VWA3B: variants seen among roughly 807,000 people sequenced by gnomAD.
VWA3B encodes von Willebrand factor A domain containing 3B, also known as von Willebrand factor A domain-containing protein 3B.
A neutral mutation model predicts 158.3 loss-of-function variants in VWA3B; 138 were observed. That is an observed-to-expected ratio of 0.87 (90% CI 0.76 to 1.00). The LOEUF (loss-of-function observed/expected upper bound fraction) is 1.00. Among genes scored for constraint, VWA3B ranks in the 50% least tolerant of loss-of-function variants. The probability of loss-of-function intolerance (pLI) is 0.00; values close to 1 mark genes in which losing one functional copy is unlikely to be tolerated. For missense variants in VWA3B, 1,555 were observed against 1,565.1 expected (o/e 0.99, Z 0.11); for synonymous variants, 596 against 587.3 (o/e 1.01, Z -0.21).
At chr2:98,130,519 G>A (rs1675776032) in intron 6 of VWA3B, among the ~76,000 whole-genome samples, 1 of 152,182 alleles carries the variant, frequency 6.6e-6, no homozygotes, top group Non-Finnish European at 1.5e-5. Flanking sequence ...GGCTTTCCTA[G>A]GCAGAGGTCC....
chr2:98,303,672 G>C (rs1474623744), intron 25 of VWA3B, 30 bp from the exon 26 acceptor site: 1 of 1,597,266 alleles, frequency 6.3e-7, no homozygotes, highest in African/African-American at 1.3e-5. Context: ...TCTGATTTAA[G>C]TTGAGTGAAC....
intron 17 of VWA3B, among the ~76,000 whole-genome samples, chr2:98,235,311 A>T (rs1685605471): frequency 1.3e-5 from 2 of 152,120 alleles, no homozygotes; most frequent in African/African-American, 4.8e-5. Context: ...TATACACACA[A>T]TCCCCTAGGG....
chr2:98,228,139 C>T, intron 14 of VWA3B, 63 bp from the exon 15 acceptor site: 1 of 1,503,876 alleles, frequency 6.6e-7, no homozygotes, highest in South Asian at 1.3e-5. Flanking sequence ...AGAAAAGAAA[C>T]ATGTTTGGAA....
In VWA3B at chr2:98,199,063, G is replaced by A. The variant is rs191050011; in HGVS notation, c.1737+4571G>A. ...GATGGCGCCACTGCACTCCATCCTG[G>A]GCGACAGCGCGAGACTCCGTCTCAA... On this transcript the variant is annotated intron_variant, in intron 12 of 27. Transcript: ENST00000477737. Among the ~76,000 whole-genome samples, 253 of 149,852 alleles carry A rather than the reference G, an allele frequency of 1.7e-3. 5 individuals are homozygous for A. The East Asian group carries it at 0.044, about 26-fold the overall frequency.
chr2:98,229,958 A>G (rs1685213450), intron 15 of VWA3B, 92 bp from the exon 16 acceptor site: 2 of 1,390,450 alleles, frequency 1.4e-6, no homozygotes, highest in Non-Finnish European at 1.9e-6. Flanking sequence ...TGCAGTGTTC[A>G]ACATGAATGT....
chr2:98,151,676 C>G (rs1054465594), intron 7 of VWA3B, among the ~76,000 whole-genome samples: 1 of 152,212 alleles, frequency 6.6e-6, no homozygotes, highest in African/African-American at 2.4e-5. Context: ...GGATTCAAAT[C>G]TGAGTTTTGC....
rs183098997 is a variant in VWA3B at position 98,145,765 on chromosome 2, G to A, written c.988+11826G>A. ...GACAGGTTCTCACTCTGTTGCCTAG[G>A]CTGGAATGCAGTGACGTGATCAAAG... On this transcript the variant is annotated intron_variant, in intron 7 of 27. Transcript: ENST00000477737. Among the ~76,000 whole-genome samples, 518 of 151,906 alleles carry A rather than the reference G, an allele frequency of 3.4e-3. 2 individuals are homozygous for A. The highest frequency in any genetic ancestry group is 0.012 in the African/African-American group (493 of 41,428).
At chr2:98,181,690 T>C (rs915342574) in intron 9 of VWA3B, among the ~76,000 whole-genome samples, 1 of 152,136 alleles carries the variant, frequency 6.6e-6, no homozygotes, top group Admixed American at 6.5e-5. Context: ...GCTATAACCA[T>C]TAAAAACTTT....
chr2:98,171,581 T>G (rs1679590611), intron 8 of VWA3B, among the ~76,000 whole-genome samples: 1 of 152,078 alleles, frequency 6.6e-6, no homozygotes, highest in Admixed American at 6.5e-5. Flanking sequence ...TTGTGCTGGC[T>G]CTGGAGGCCG....
chr2:98,190,115 T>C (rs969613486), intron 10 of VWA3B, among the ~76,000 whole-genome samples: 1 of 152,200 alleles, frequency 6.6e-6, no homozygotes, highest in Non-Finnish European at 1.5e-5. Context: ...TGTTCCCTTT[T>C]TACTGGTTTT....
intron 19 of VWA3B, among the ~76,000 whole-genome samples, chr2:98,240,938 T>C (rs1287773596): frequency 6.6e-6 from 1 of 152,190 alleles, no homozygotes; most frequent in East Asian, 1.9e-4. Flanking sequence ...CTATTGTATA[T>C]GCCTGTGTTG....
chr2:98,156,633 C>T (rs1174405299), intron 7 of VWA3B, among the ~76,000 whole-genome samples: 1 of 147,786 alleles, frequency 6.8e-6, no homozygotes, highest in African/African-American at 2.5e-5. Context: ...AGGTTCAGGC[C>T]TTTTCTTGGA....
At position 98,166,799 on chromosome 2, in the gene VWA3B, T is replaced by TACACAC. The variant is rs58860649; in HGVS notation, c.1114+3844_1114+3849dup. Among the ~76,000 whole-genome samples, 793 of 145,936 alleles carry TACACAC rather than the reference T, an allele frequency of 5.4e-3. 5 individuals are homozygous for TACACAC. The highest frequency in any genetic ancestry group is 0.018 in the African/African-American group (679 of 38,436). On this transcript the variant is annotated intron_variant, in intron 8 of 27. Transcript: ENST00000477737. The stretch of plus-strand genomic sequence containing the variant: ...ATCAGTTCCCTTTGTTTTAATCTAA[T>TACACAC]ACACACACACACACACACACACACA...
chr2:98,265,633 T>G (rs1355133451), intron 21 of VWA3B, among the ~76,000 whole-genome samples: 9 of 148,120 alleles, frequency 6.1e-5, no homozygotes, highest in African/African-American at 2.5e-5. Context: ...ACTTCCACAA[T>G]GGTTGAACTA....
At chr2:98,116,428 C>A (rs1250372943) in intron 3 of VWA3B, among the ~76,000 whole-genome samples, 1 of 152,026 alleles carries the variant, frequency 6.6e-6, no homozygotes, top group Non-Finnish European at 1.5e-5. Context: ...CTCTCCTTCT[C>A]TTTCAAGAAT....
intron 3 of VWA3B, among the ~76,000 whole-genome samples, 190 bp from the exon 4 acceptor site, chr2:98,119,323 C>T (rs186465944): frequency 1.2e-4 from 18 of 151,828 alleles, no homozygotes; most frequent in South Asian, 2.1e-4. Flanking sequence ...ATCATATTAT[C>T]ATCTTTTCTT....
At chr2:98,214,774 C>T (rs1242463197) in intron 13 of VWA3B, among the ~76,000 whole-genome samples, 1 of 152,168 alleles carries the variant, frequency 6.6e-6, no homozygotes, top group African/African-American at 2.4e-5. Flanking sequence ...TGCAGATACG[C>T]AGTCGGATTG....
At chr2:98,170,114 G>A (rs1011896809) in intron 8 of VWA3B, among the ~76,000 whole-genome samples, 13 of 152,130 alleles carry the variant, frequency 8.5e-5, no homozygotes, top group African/African-American at 2.9e-4. Context: ...GTGACAGAGC[G>A]AGACTCTGTC....
chr2:98,282,009 T>C (rs1248047328), intron 22 of VWA3B, among the ~76,000 whole-genome samples: 1 of 152,216 alleles, frequency 6.6e-6, no homozygotes. Flanking sequence ...GCATGTATTT[T>C]GTGTGCATGT....
Sources: gnomAD v4.1 joint callset for allele counts (sites outside exome capture counted in the v4.1 genomes callset) on GRCh38, gnomAD v4.1.1 for gene constraint, MANE v1.5 for transcripts, NCBI Gene and HGNC (gene_info 2026-07-23, HGNC 2026-07-21) for gene names.